The following ARMH4 variants were observed in gnomAD, a reference collection of about 807,000 sequenced individuals.
ARMH4 encodes the protein armadillo like helical domain containing 4.
Under a neutral mutation model 61.9 loss-of-function variants are expected in ARMH4, and 49 were observed. That is an observed-to-expected ratio of 0.79 (90% CI 0.63 to 1.00). ARMH4 has a LOEUF of 1.00. Among genes scored for constraint, ARMH4 ranks in the 50% least tolerant of loss-of-function variants. ARMH4 has a pLI of 0.00. For synonymous variants in ARMH4, 368 were observed against 341.5 expected, an observed-to-expected ratio of 1.08 and a Z score of -0.85; for missense variants, 934 against 930.0, an observed-to-expected ratio of 1.00 and a Z score of -0.06.
At chr14:58,050,179 G>C (rs559227461) in intron 5 of ARMH4, among the ~76,000 whole-genome samples, 1 of 152,290 alleles carries the variant, frequency 6.6e-6, no homozygotes, top group South Asian at 2.1e-4. Flanking sequence ...TTTTACCTCT[G>C]TGCGTTGCTC....
At chr14:58,085,063 TC>T (rs979130130) in intron 5 of ARMH4, among the ~76,000 whole-genome samples, 1 of 152,214 alleles carries the variant, frequency 6.6e-6, no homozygotes, top group African/African-American at 2.4e-5. Flanking sequence ...TTAAGTGCAT[TC>T]TTTCTCTGAT....
intron 5 of ARMH4, among the ~76,000 whole-genome samples, chr14:58,075,683 A>G (rs548069421): frequency 2.6e-5 from 4 of 152,188 alleles, no homozygotes; most frequent in Non-Finnish European, 4.4e-5. Context: ...GCAAACCACT[A>G]TGGCACATGT....
intron 5 of ARMH4, among the ~76,000 whole-genome samples, chr14:58,032,713 A>G (rs1883296573): frequency 1.3e-5 from 2 of 151,998 alleles, no homozygotes; most frequent in Admixed American, 1.3e-4. Context: ...CGCGAGCCGA[A>G]GCAGGGTGAG....
rs975476636 is a variant in ARMH4, at chr14:58,089,601, C to T, written c.2089+7123G>A. ...ATGAACCTGATAAATTAATCCCTTA[C>T]AGTGCATAATAAATGATAATGTTTT... On this transcript the variant is annotated intron_variant, in intron 5 of 7. Transcript: ENST00000267485. 1.6e-4 allele frequency among the ~76,000 whole-genome samples: 24 copies of T among 152,198 alleles called. 1 individual carries two copies. Among genetic ancestry groups the T allele is most frequent in the Non-Finnish European group, 4.4e-5 (3 of 68,042 alleles).
At chr14:58,079,394 C>T (rs770126602) in intron 5 of ARMH4, among the ~76,000 whole-genome samples, 3 of 152,176 alleles carry the variant, frequency 2.0e-5, no homozygotes, top group Non-Finnish European at 4.4e-5. Context: ...GGGGGTTGCA[C>T]TCCCGCTTTT....
Position 58,139,068 on chromosome 14 carries a change from C to G in ARMH4, c.291G>C (p.Gln97His). ...NKAFSINKETQPGQAGLMQTE... is the reference protein window; with the variant it reads ...NKAFSINKETHPGQAGLMQTE... ...TTTGCATGAGCCCAGCTTGTCCAGG[C>G]TGGGTTTCTTTGTTAATCGAGAATG... Residue 97 changes from glutamine (Q) to histidine (H), a missense_variant, in exon 2 of 8, where the codon CAG (glutamine) becomes CAC (histidine). Coordinates refer to ENST00000267485, the MANE Select transcript of ARMH4 (RefSeq NM_001001872.4). 6.2e-7 allele frequency: 1 copy of G among 1,614,218 alleles called. No homozygotes were observed. Among genetic ancestry groups the G allele is most frequent in the South Asian group, 1.1e-5 (1 of 91,090 alleles).
intron 1 of ARMH4, among the ~76,000 whole-genome samples, chr14:58,150,542 A>G (rs1260869616): frequency 6.6e-6 from 1 of 152,180 alleles, no homozygotes; most frequent in African/African-American, 2.4e-5. Flanking sequence ...ATACCAAATT[A>G]TAATATTGTA....
At chr14:58,096,537 T>C (rs1207618934) in intron 5 of ARMH4, among the ~76,000 whole-genome samples, 187 bp downstream of exon 5, 1 of 152,194 alleles carries the variant, frequency 6.6e-6, no homozygotes, top group Non-Finnish European at 1.5e-5. Context: ...TTTTTAATTT[T>C]TAATTATCAG....
intron 1 of ARMH4, among the ~76,000 whole-genome samples, chr14:58,149,413 G>A (rs914583161): frequency 6.6e-6 from 1 of 152,194 alleles, no homozygotes; most frequent in Admixed American, 6.5e-5. Flanking sequence ...TAACCACAAA[G>A]AAAAGCATGG....
At chr14:58,084,891 C>T (rs1252817793) in intron 5 of ARMH4, among the ~76,000 whole-genome samples, 14 of 152,224 alleles carry the variant, frequency 9.2e-5, no homozygotes, top group Non-Finnish European at 1.5e-4. Flanking sequence ...AAAAGCAGAA[C>T]CCTGTGGCCA....
intron 5 of ARMH4, among the ~76,000 whole-genome samples, chr14:58,089,419 T>C (rs1885487825): frequency 6.6e-6 from 1 of 152,180 alleles, no homozygotes; most frequent in Admixed American, 6.5e-5. Flanking sequence ...TGCTGACATA[T>C]TTTAGGGCTA....
chr14:58,069,934 G>A (rs1884829004), intron 5 of ARMH4, among the ~76,000 whole-genome samples: 1 of 152,144 alleles, frequency 6.6e-6, no homozygotes, highest in Non-Finnish European at 1.5e-5. Flanking sequence ...ACAGTGTGGA[G>A]AAGGGACTGG....
At chr14:58,143,083 C>A (rs1336900239) in intron 1 of ARMH4, among the ~76,000 whole-genome samples, 1 of 152,182 alleles carries the variant, frequency 6.6e-6, no homozygotes, top group East Asian at 1.9e-4. Flanking sequence ...TGTGCCATAA[C>A]CACACAGCTA....
In ARMH4 at chr14:58,137,812, C is replaced by T. The variant is rs71414190; in HGVS notation, c.1369+178G>A. Among the ~76,000 whole-genome samples the T allele has an allele frequency of 8.0e-3, 1,221 of 152,118 alleles. 6 individuals carry two copies. Among genetic ancestry groups the T allele is most frequent in the Admixed American group, 0.017 (255 of 15,278 alleles). ...ATATCACCCAAGCTGGTCTCGAACT[C>T]CTGCGCCCAAGCAATCCTCACACCT... On this transcript the variant is annotated intron_variant, in intron 2 of 7. Transcript: ENST00000267485.
In ARMH4 at chr14:58,064,073, GGTTGAGCCAACACCCAAAATGTTGGCA is replaced by G. The variant is rs1566563712; in HGVS notation, c.2089+32624_2089+32650del. On this transcript the variant is annotated intron_variant, in intron 5 of 7. Transcript: ENST00000267485. ...AGCTATACTTACAATATCAACAATA[GGTTGAGCCAACACCCAAAATGTTGGCA>G]TTAAAATTTTGCCTTAACAATTCCA... Among the ~76,000 whole-genome samples the G allele has an allele frequency of 4.7e-3, 710 of 151,458 alleles. 1 individual carries two copies. Among genetic ancestry groups the G allele is most frequent in the African/African-American group, 0.017 (702 of 40,806 alleles).
chr14:58,012,619 G>C (rs1882450857), intron 5 of ARMH4, among the ~76,000 whole-genome samples: 1 of 152,208 alleles, frequency 6.6e-6, no homozygotes, highest in South Asian at 2.1e-4. Flanking sequence ...TGGCTCCAAA[G>C]AGAAGCATTT....
At position 58,001,421 on chromosome 14, in the gene ARMH4, C is replaced by A. The variant is rs1332305773; in HGVS notation, c.*3315G>T. ...ATTTCTATTCTTTTGGATATATGCC[C>A]AGAAGTGGGATAGTTGGATTATATA... On this transcript the variant is annotated 3_prime_UTR_variant, in exon 8 of 8. Coordinates refer to ENST00000267485, the MANE Select transcript of ARMH4 (RefSeq NM_001001872.4). 1 of 152,122 alleles carries A rather than the reference C, an allele frequency of 6.6e-6. No individual in the cohort carries two copies. The highest frequency in any genetic ancestry group is 2.4e-5 in the African/African-American group (1 of 41,432). The allele number at this position is 152,122 out of a possible 1,614,324, so 9.4% of individuals were successfully genotyped here.
intron 4 of ARMH4, among the ~76,000 whole-genome samples, chr14:58,100,501 G>A (rs1885931425): frequency 6.6e-6 from 1 of 152,144 alleles, no homozygotes; most frequent in South Asian, 2.1e-4. Context: ...TAGAGAGAGG[G>A]TAAGAAAGGG....
chr14:58,081,543 T>C (rs1885225179), intron 5 of ARMH4, among the ~76,000 whole-genome samples: 2 of 151,708 alleles, frequency 1.3e-5, no homozygotes, highest in African/African-American at 4.8e-5. Context: ...CTCTGTCACC[T>C]GGGCTGGAGT....
Sources: allele counts gnomAD v4.1 joint callset (sites outside exome capture counted in the v4.1 genomes callset), GRCh38; gene constraint gnomAD v4.1.1; transcripts MANE v1.5; gene names NCBI Gene and HGNC (gene_info 2026-07-23, HGNC 2026-07-21).